NFIB: variants seen among roughly 807,000 people sequenced by gnomAD.
The protein encoded by NFIB is nuclear factor 1 B-type.
NFIB carries 11 observed loss-of-function variants against 61.5 expected under a neutral mutation model. That is an observed-to-expected ratio of 0.18 (90% CI 0.11 to 0.30). The LOEUF (loss-of-function observed/expected upper bound fraction) is 0.30. Ranked by LOEUF, NFIB falls within the 10% of genes least tolerant of loss-of-function variation. The pLI, the probability that NFIB is intolerant of heterozygous loss-of-function variation, is 1.00. For synonymous variants in NFIB, 260 were observed against 216.5 expected (o/e 1.20, Z -1.76); for missense variants, 471 against 608.9 (o/e 0.77, Z 2.38).
At position 14,087,228 on chromosome 9, in the gene NFIB, T is replaced by A. The variant is rs2032994529; in HGVS notation, c.*1081A>T. On this transcript the variant is annotated 3_prime_UTR_variant, in exon 11 of 11. Coordinates refer to ENST00000380953, the MANE Select transcript of NFIB (RefSeq NM_001190737.2). ...CAAGGAGGCTGCAGCTAAACCAACATAAGTGCTGTGTTTTCATTAATTTTA... is the reference window on the plus strand; with the variant it reads ...CAAGGAGGCTGCAGCTAAACCAACAAAAGTGCTGTGTTTTCATTAATTTTA... 10 of 203,206 alleles carry A rather than the reference T, an allele frequency of 4.9e-5. No homozygotes were observed. The South Asian group carries it at 1.9e-3, about 39-fold the overall frequency. The allele number at this position is 203,206 out of a possible 1,614,324, so 12.6% of individuals were successfully genotyped here.
rs375746851 is a variant in NFIB at position 14,372,670 on chromosome 9, G to C, written c.108+25854C>G. ...GGCGGTTTTACTGTGTGCTGGCTTAGTACCTGGGGCCAGGAAACATCTGTT... is the reference window on the plus strand; with the variant it reads ...GGCGGTTTTACTGTGTGCTGGCTTACTACCTGGGGCCAGGAAACATCTGTT... On this transcript the variant is annotated intron_variant, in intron 1 of 8. Coordinates refer to the NFIB transcript ENST00000380934. 1.1e-4 allele frequency among the ~76,000 whole-genome samples: 16 copies of C among 152,266 alleles called. No homozygotes were observed. The East Asian group carries it at 2.9e-3, about 28-fold the overall frequency.
At chr9:14,252,105 G>A (rs532079948) in intron 2 of NFIB, among the ~76,000 whole-genome samples, 3 of 152,090 alleles carry the variant, frequency 2.0e-5, no homozygotes, top group East Asian at 3.9e-4. Flanking sequence ...CTTATCTTTC[G>A]GTGAGAGAAA....
intron 2 of NFIB, among the ~76,000 whole-genome samples, chr9:14,215,682 G>A (rs1370626371): frequency 5.3e-5 from 8 of 152,126 alleles, no homozygotes; most frequent in Admixed American, 3.9e-4. Flanking sequence ...TTGTTCTTCT[G>A]GATAATGTAC....
At chr9:14,512,185 T>A in the NFIB span, among the ~76,000 whole-genome samples, 5 of 152,152 alleles carry the variant, frequency 3.3e-5, no homozygotes, top group Non-Finnish European at 7.4e-5. Context: ...AAGATATGAT[T>A]TGGGCAAAGG....
chr9:14,507,060 T>C, the NFIB span, among the ~76,000 whole-genome samples: 282 of 152,362 alleles, frequency 1.9e-3, no homozygotes, highest in African/African-American at 6.4e-3. Context: ...TTAAAACTTA[T>C]TAAAATCATT....
chr9:14,410,061 G>A, the NFIB span, among the ~76,000 whole-genome samples: 4 of 152,158 alleles, frequency 2.6e-5, no homozygotes, highest in Admixed American at 1.3e-4. Flanking sequence ...TATAGGGGGT[G>A]AGGGGCAGGT....
chr9:14,272,091 A>G (rs946497179), intron 2 of NFIB, among the ~76,000 whole-genome samples: 1 of 152,196 alleles, frequency 6.6e-6, no homozygotes, highest in Non-Finnish European at 1.5e-5. Flanking sequence ...ATGTAACAGT[A>G]TATCTCGTGA....
rs984659459 is a variant in NFIB at position 14,308,806 on chromosome 9, T to A, written c.31-1286A>T. Among the ~76,000 whole-genome samples the A allele has an allele frequency of 5.9e-5, 9 of 152,296 alleles. No homozygotes were observed. The East Asian group carries it at 1.7e-3, about 29-fold the overall frequency. ...TTTCCTGCCTGTTTCATCCAAGCCC[T>A]TTTTTTAAGGGAGGGGATCAGTGAG... On this transcript the variant is annotated intron_variant, in intron 1 of 10. Coordinates refer to ENST00000380953, the MANE Select transcript of NFIB (RefSeq NM_001190737.2).
chr9:14,315,796 A>G (rs2060520801), upstream of NFIB, among the ~76,000 whole-genome samples: 1 of 151,658 alleles, frequency 6.6e-6, no homozygotes, highest in Non-Finnish European at 1.5e-5. Flanking sequence ...GTGGATGGGG[A>G]CGAGGGGGAA....
At chr9:14,512,522 T>G in the NFIB span, among the ~76,000 whole-genome samples, 43 of 152,328 alleles carry the variant, frequency 2.8e-4, no homozygotes, top group African/African-American at 9.9e-4. Context: ...GGTTTTTTTC[T>G]GTTTTGAATT....
chr9:14,516,301 G>A, the NFIB span, among the ~76,000 whole-genome samples: 1 of 152,204 alleles, frequency 6.6e-6, no homozygotes, highest in East Asian at 1.9e-4. Context: ...TATTACCAGT[G>A]ATTTAAGGTT....
At position 14,398,300 on chromosome 9, in the gene NFIB, C is replaced by T. The variant is rs149069809; in HGVS notation, c.108+224G>A. Among the ~76,000 whole-genome samples, 723 of 152,248 alleles carry T rather than the reference C, an allele frequency of 4.7e-3. 5 individuals are homozygous for T. The highest frequency in any genetic ancestry group is 0.016 in the African/African-American group (683 of 41,538). On this transcript the variant is annotated intron_variant, in intron 1 of 8. Coordinates refer to the NFIB transcript ENST00000380934. ...TTTCCCCGAAACATCTACAATTTAT[C>T]CCCCAGCTTCTGTATTATTTCTGTT...
the NFIB span, among the ~76,000 whole-genome samples, chr9:14,519,494 T>A: frequency 6.6e-6 from 1 of 152,184 alleles, no homozygotes; most frequent in East Asian, 1.9e-4. Context: ...TCACTTCTCC[T>A]AGTAGTAGTT....
chr9:14,126,341 G>T (rs2039640053), intron 6 of NFIB, among the ~76,000 whole-genome samples: 2 of 152,208 alleles, frequency 1.3e-5, no homozygotes, highest in African/African-American at 4.8e-5. Flanking sequence ...CTGCTCTAGG[G>T]ATGCTCACTG....
intron 1 of NFIB, among the ~76,000 whole-genome samples, chr9:14,329,255 C>T (rs1302642335): frequency 2.0e-5 from 3 of 152,164 alleles, no homozygotes; most frequent in African/African-American, 7.2e-5. Context: ...AAGGACACCT[C>T]CTGACTCTAA....
At chr9:14,527,008 T>C in the NFIB span, among the ~76,000 whole-genome samples, 2 of 152,188 alleles carry the variant, frequency 1.3e-5, no homozygotes, top group Non-Finnish European at 2.9e-5. Context: ...TGTTACATTA[T>C]GCAGGCACAT....
chr9:14,250,723 C>T (rs998749267), intron 2 of NFIB, among the ~76,000 whole-genome samples: 1 of 152,190 alleles, frequency 6.6e-6, no homozygotes, highest in African/African-American at 2.4e-5. Context: ...TTAAGTCAAC[C>T]TGTATATCTC....
intron 2 of NFIB, among the ~76,000 whole-genome samples, chr9:14,187,383 C>T (rs1244192860): frequency 6.6e-6 from 1 of 152,094 alleles, no homozygotes; most frequent in South Asian, 2.1e-4. Flanking sequence ...ATATTTTAAA[C>T]TATTTACTAT....
intron 1 of NFIB, among the ~76,000 whole-genome samples, chr9:14,375,963 GT>G (rs1270899144): frequency 6.6e-6 from 1 of 152,226 alleles, no homozygotes; most frequent in Non-Finnish European, 1.5e-5. Context: ...TGAGAACCCA[GT>G]CTGCTGTGCA....
Sources: allele counts gnomAD v4.1 joint callset (sites outside exome capture counted in the v4.1 genomes callset), GRCh38; gene constraint gnomAD v4.1.1; transcripts MANE v1.5; gene names NCBI Gene and HGNC (gene_info 2026-07-23, HGNC 2026-07-21).